MIDEAS: variants seen among roughly 807,000 people sequenced by gnomAD.
MIDEAS encodes mitotic deacetylase-associated SANT domain protein.
Under a neutral mutation model 102.7 loss-of-function variants are expected in MIDEAS, and 26 were observed. The observed-to-expected ratio is 0.25, with a 90% CI of 0.19 to 0.35. The LOEUF (loss-of-function observed/expected upper bound fraction) is 0.35, where lower values mean the gene tolerates loss of function less well. Among genes scored for constraint, MIDEAS ranks in the 10% least tolerant of loss-of-function variants. The pLI is 1.00. For missense variants in MIDEAS, 1,231 were observed against 1,435.6 expected (o/e 0.86, Z 2.30); for synonymous variants, 585 against 591.0 (o/e 0.99, Z 0.15).
chr14:73,747,542 A>G lies in MIDEAS; in HGVS notation c.-247-7287T>C, dbSNP rs1595276590. Among the ~76,000 whole-genome samples, 2 of 152,238 alleles carry G rather than the reference A, an allele frequency of 1.3e-5. 1 individual carries two copies. Among genetic ancestry groups the G allele is most frequent in the South Asian group, 4.1e-4 (2 of 4,838 alleles). On this transcript the variant is annotated intron_variant, in intron 1 of 12. Coordinates refer to ENST00000423556, the MANE Select transcript of MIDEAS (RefSeq NM_001367710.1). ...CACAGAACTCATGACTGAGGAGTCA[A>G]GATTCAAATCTAAGCCTCCTGACCC...
At chr14:73,757,551 T>A (rs2053500583) in intron 1 of MIDEAS, among the ~76,000 whole-genome samples, 2 of 152,142 alleles carry the variant, frequency 1.3e-5, no homozygotes, top group Non-Finnish European at 1.5e-5. Flanking sequence ...AGAAGTGGCA[T>A]TTGAAACAGG....
Position 73,718,707 on chromosome 14 carries a change from T to C in MIDEAS, c.*136A>G, listed in dbSNP as rs888237261. On this transcript the variant is annotated 3_prime_UTR_variant, in exon 13 of 13. Coordinates refer to ENST00000423556, the MANE Select transcript of MIDEAS (RefSeq NM_001367710.1). ...TAAATAAAAGAGCCGTTTATGTCAT[T>C]GTCTCATTTGTTTCGCAGGGAAAAG... 6.8e-6 allele frequency: 6 copies of C among 887,432 alleles called. No individual in the cohort carries two copies. The highest frequency in any genetic ancestry group is 9.2e-6 in the Non-Finnish European group (6 of 651,538). 55.0% of individuals were successfully genotyped at this position (887,432 alleles called of 1,614,324 possible).
At chr14:73,784,700 G>A (rs565995317) in intron 1 of MIDEAS, among the ~76,000 whole-genome samples, 2 of 152,310 alleles carry the variant, frequency 1.3e-5, no homozygotes. Context: ...TCACAGTCAA[G>A]ATCAGTAAAA....
intron 1 of MIDEAS, among the ~76,000 whole-genome samples, chr14:73,755,428 C>A (rs1176292249): frequency 6.6e-6 from 1 of 152,236 alleles, no homozygotes; most frequent in Non-Finnish European, 1.5e-5. Context: ...GGTAAAAGAG[C>A]CAAAGCAGTC....
At chr14:73,786,343 T>C (rs2053808902) in intron 1 of MIDEAS, among the ~76,000 whole-genome samples, 1 of 152,074 alleles carries the variant, frequency 6.6e-6, no homozygotes, top group Admixed American at 6.5e-5. Flanking sequence ...CTTGCAGTTT[T>C]AGGAAACAGA....
chr14:73,736,428 G>A (rs957451676), intron 3 of MIDEAS, among the ~76,000 whole-genome samples: 2 of 151,842 alleles, frequency 1.3e-5, no homozygotes, highest in Non-Finnish European at 2.9e-5. Context: ...TCAGGAGATC[G>A]AGACCATCCT....
intron 9 of MIDEAS, chr14:73,723,077 T>A (rs1441620061): frequency 4.8e-6 from 2 of 420,290 alleles, no homozygotes; most frequent in Non-Finnish European, 8.6e-6. Context: ...AAAAAAGCTA[T>A]AAAGGACAAT....
intron 1 of MIDEAS, among the ~76,000 whole-genome samples, chr14:73,776,191 C>G (rs998157698): frequency 2.6e-5 from 4 of 151,970 alleles, no homozygotes; most frequent in African/African-American, 9.7e-5. Flanking sequence ...AAAGGCAGCA[C>G]CAAAGTTTTC....
rs2052908260 is a variant in MIDEAS at position 73,717,404 on chromosome 14, C to G, written c.*1439G>C. 2 of 152,254 alleles carry G rather than the reference C, an allele frequency of 1.3e-5. No individual in the cohort carries two copies. Among genetic ancestry groups the G allele is most frequent in the South Asian group, 4.1e-4 (2 of 4,832 alleles). 9.4% of individuals were successfully genotyped at this position (152,254 alleles called of 1,614,324 possible). ...CTTCTTCAAGCCAGAATCCAGGCCC[C>G]ATAAACCAAACTAGAATTCTGGCCT... On this transcript the variant is annotated 3_prime_UTR_variant, in exon 13 of 13. Transcript: ENST00000423556.
chr14:73,739,227 T>C lies in MIDEAS; in HGVS notation c.782A>G (p.Gln261Arg). 1 of 1,607,756 alleles carries C rather than the reference T, an allele frequency of 6.2e-7. No homozygotes were observed. Among genetic ancestry groups the C allele is most frequent in the East Asian group, 2.2e-5 (1 of 44,816 alleles). ...CGGCATCTGGGGTAGGGCTGCCTGC[T>C]GCTGCTGCTGCTGCTGCTGTGGTTG... is the stretch of plus-strand genomic sequence containing the variant. ...QQQPQQQQQQ[Q>R]QAALPQMPLF... The change falls in exon 2 of 13, where the codon CAG becomes CGG. Residue 261 changes from glutamine (Q) to arginine (R), a missense_variant. Physicochemically the swap from Gln to Arg is conservative, Grantham distance 43. This residue lies in a region of MIDEAS where 758 missense variants were observed against 856.0 expected (regional missense o/e 0.89). Coordinates refer to ENST00000423556, the MANE Select transcript of MIDEAS (RefSeq NM_001367710.1).
upstream of MIDEAS, among the ~76,000 whole-genome samples, chr14:73,762,641 T>C (rs1490627598): frequency 6.6e-6 from 1 of 152,200 alleles, no homozygotes; most frequent in Non-Finnish European, 1.5e-5. Flanking sequence ...GCTGCAGATA[T>C]GACGGTGCAG....
intron 1 of MIDEAS, among the ~76,000 whole-genome samples, chr14:73,777,962 G>T (rs2053706520): frequency 6.6e-6 from 1 of 151,890 alleles, no homozygotes; most frequent in South Asian, 2.1e-4. Context: ...CTTTATCTTT[G>T]TATCCCCAGT....
At chr14:73,740,853 C>T (rs921351723) in intron 1 of MIDEAS, among the ~76,000 whole-genome samples, 6 of 152,234 alleles carry the variant, frequency 3.9e-5, no homozygotes, top group African/African-American at 1.4e-4. Context: ...CTGTGCAGCC[C>T]CAGAGTCAGG....
At chr14:73,749,658 G>A (rs2053398174) in intron 1 of MIDEAS, among the ~76,000 whole-genome samples, 1 of 151,242 alleles carries the variant, frequency 6.6e-6, no homozygotes, top group Non-Finnish European at 1.5e-5. Context: ...TAGGCCATAA[G>A]ACAAGTCTCA....
chr14:73,732,942 A>C (rs1375529121), intron 3 of MIDEAS, among the ~76,000 whole-genome samples: 1 of 150,338 alleles, frequency 6.7e-6, no homozygotes, highest in African/African-American at 2.5e-5. Flanking sequence ...AATACAAAAA[A>C]TTAGCTGGGT....
chr14:73,725,560 C>A lies in MIDEAS; in HGVS notation c.2486-200G>T, dbSNP rs80081743. 5.2e-3 allele frequency among the ~76,000 whole-genome samples: 796 copies of A among 152,330 alleles called. 8 individuals are homozygous for A. Among genetic ancestry groups the A allele is most frequent in the Non-Finnish European group, 9.4e-3 (637 of 68,034 alleles). On this transcript the variant is annotated intron_variant, in intron 8 of 12. Transcript: ENST00000423556. The surrounding 1 kb of genome is among the most constrained non-coding windows in gnomAD (Gnocchi z 4.1). ...TGGAAACTAATATCACCTAGCTCACCAGCTGTGGTGAGGATTAAATAAGAT... is the reference window on the plus strand; with the variant it reads ...TGGAAACTAATATCACCTAGCTCACAAGCTGTGGTGAGGATTAAATAAGAT...
intron 1 of MIDEAS, among the ~76,000 whole-genome samples, chr14:73,752,017 TG>T (rs1437013522): frequency 1.3e-5 from 2 of 152,224 alleles, no homozygotes; most frequent in African/African-American, 4.8e-5. Flanking sequence ...ATCAGGTCTC[TG>T]CTTGGGTTCC....
At chr14:73,761,040 G>GA (rs2053549885), upstream of MIDEAS, among the ~76,000 whole-genome samples, 1 of 152,208 alleles carries the variant, frequency 6.6e-6, no homozygotes, top group South Asian at 2.1e-4. Context: ...AAGTTCAGGG[G>GA]AGTGTGTCCT....
intron 3 of MIDEAS, among the ~76,000 whole-genome samples, chr14:73,735,784 CCT>C (rs1328095344): frequency 6.6e-6 from 1 of 152,156 alleles, no homozygotes; most frequent in African/African-American, 2.4e-5. Context: ...ATATGGATAC[CCT>C]GATAGCCCTG....
Sources: allele counts gnomAD v4.1 joint callset (sites outside exome capture counted in the v4.1 genomes callset), GRCh38; gene constraint gnomAD v4.1.1; regional missense constraint gnomAD v4.1.1; non-coding constraint Gnocchi (gnomAD v3.1); transcripts MANE v1.5; gene names NCBI Gene and HGNC (gene_info 2026-07-23, HGNC 2026-07-21).